The following NCOA6 variants were observed in gnomAD, a reference collection of about 807,000 sequenced individuals.
NCOA6 encodes the protein NRC RAP250.
In NCOA6, 49 loss-of-function variants were observed where a neutral mutation model predicts 171.4. That is an observed-to-expected ratio of 0.29 (90% CI 0.23 to 0.36). The LOEUF (loss-of-function observed/expected upper bound fraction) is 0.36. NCOA6 is among the 10% of genes least tolerant of loss of function. The probability of loss-of-function intolerance (pLI) is 1.00; values close to 1 mark genes in which losing one functional copy is unlikely to be tolerated. For synonymous variants in NCOA6, 910 were observed against 927.5 expected, an observed-to-expected ratio of 0.98 and a Z score of 0.34; for missense variants, 2,248 against 2,554.5, an observed-to-expected ratio of 0.88 and a Z score of 2.59.
chr20:34,801,613 A>G (rs2146469835), intron 1 of NCOA6, among the ~76,000 whole-genome samples: 1 of 152,360 alleles, frequency 6.6e-6, no homozygotes, highest in East Asian at 1.9e-4. Flanking sequence ...TCTTAGACAC[A>G]TACAATCTAC....
chr20:34,725,148 C>T (rs1989811514), intron 14 of NCOA6, among the ~76,000 whole-genome samples: 1 of 152,150 alleles, frequency 6.6e-6, no homozygotes, highest in South Asian at 2.1e-4. Flanking sequence ...ATATTTAATA[C>T]ATATTTGATA....
Position 34,758,847 on chromosome 20 carries a change from G to A in NCOA6, c.601C>T (p.Pro201Ser), listed in dbSNP as rs2076730652. 2.5e-6 allele frequency: 4 copies of A among 1,613,316 alleles called. No homozygotes were observed. In the African/African-American group the frequency reaches 4.0e-5, roughly 16 times the overall value. The change falls in exon 6 of 15, where the codon CCA (proline) becomes TCA (serine). Residue 201 changes from proline (P) to serine (S), a missense_variant. Transcript: ENST00000359003. ...CGAGGAGTCCTGGGCTGCAGCTCTG[G>A]ATTGGGGCCTGGTGCCATCATGGAA... ...SSSMMAPGPN[P>S]ELQPRTPRPA... is the part of the protein sequence containing the mutation.
intron 1 of NCOA6, among the ~76,000 whole-genome samples, chr20:34,815,876 C>G (rs555306491): frequency 2.0e-5 from 3 of 152,292 alleles, no homozygotes; most frequent in South Asian, 2.1e-4. Flanking sequence ...TCCATGATCA[C>G]CTGATCATAT....
At position 34,742,361 on chromosome 20, in the gene NCOA6, T is replaced by C; in HGVS notation, c.3895A>G (p.Thr1299Ala). 1 of 1,614,182 alleles carries C rather than the reference T, an allele frequency of 6.2e-7. No individual in the cohort carries two copies. The highest frequency in any genetic ancestry group is 8.5e-7 in the Non-Finnish European group (1 of 1,180,032). Reference protein sequence around the residue: ...NLTMNPSNFATPQTHKLDSVV... With the variant: ...NLTMNPSNFAAPQTHKLDSVV... ...GAATCTAATTTGTGAGTTTGTGGGG[T>C]AGCAAAATTGGAAGGATTCATGGTA... The change falls in exon 11 of 15, where the codon ACC (threonine) becomes GCC (alanine). Residue 1299 changes from threonine to alanine, a missense_variant. By Grantham distance (58) the Thr-to-Ala change is moderately conservative. Transcript: ENST00000359003.
At chr20:34,804,897 A>G (rs369032149) in intron 1 of NCOA6, among the ~76,000 whole-genome samples, 1 of 152,118 alleles carries the variant, frequency 6.6e-6, no homozygotes, top group Non-Finnish European at 1.5e-5. Context: ...ATTTTTATCT[A>G]TAGTCATCCT....
chr20:34,759,025 ATT>A (rs2076736827), intron 5 of NCOA6, 92 bp from the exon 6 acceptor site: 1 of 1,388,680 alleles, frequency 7.2e-7, no homozygotes, highest in Non-Finnish European at 9.9e-7. Flanking sequence ...GATATGGAAA[ATT>A]TGTTTTTTTT....
intron 1 of NCOA6, among the ~76,000 whole-genome samples, chr20:34,793,466 C>G (rs1341868433): frequency 6.6e-6 from 1 of 151,748 alleles, no homozygotes; most frequent in African/African-American, 2.4e-5. Flanking sequence ...AGATATAAAA[C>G]TTATGCATGG....
In NCOA6 at chr20:34,742,855, T is replaced by C; in HGVS notation, c.3401A>G (p.Glu1134Gly). The change falls in exon 11 of 15, where the codon GAA becomes GGA. Residue 1134 changes from glutamate to glycine, a missense_variant. Transcript: ENST00000359003. ...AGATGGTGCTTCACTGCCACTTGCT[T>C]CAGGGAGTGAGGCCATCTCCGCCAG... ...SPLAEMASLP[E>G]ASGSEAPSVP... 6.2e-7 allele frequency: 1 copy of C among 1,614,192 alleles called. No individual in the cohort carries two copies. The highest frequency in any genetic ancestry group is 1.1e-5 in the South Asian group (1 of 91,084).
chr20:34,789,552 G>A (rs185388386), intron 2 of NCOA6, among the ~76,000 whole-genome samples: 19 of 152,192 alleles, frequency 1.2e-4, no homozygotes, highest in Non-Finnish European at 1.9e-4. Flanking sequence ...GTGGGCAGAC[G>A]GCTTGAGCTC....
chr20:34,805,751 T>C (rs536527026), intron 1 of NCOA6, among the ~76,000 whole-genome samples: 64 of 151,808 alleles, frequency 4.2e-4, no homozygotes, highest in Non-Finnish European at 7.8e-4. Flanking sequence ...TGCAGTGGTA[T>C]GATCTCGGCT....
intron 3 of NCOA6, chr20:34,776,680 T>C (rs2077333130): frequency 4.7e-6 from 3 of 637,960 alleles, no homozygotes; most frequent in Non-Finnish European, 8.5e-6. Context: ...CTTTTTCTTT[T>C]CTAAAACTAT....
intron 1 of NCOA6, among the ~76,000 whole-genome samples, chr20:34,811,203 A>G (rs1212826489): frequency 2.2e-4 from 16 of 73,922 alleles, no homozygotes; most frequent in African/African-American, 4.9e-4. Context: ...AACAACGTGT[A>G]TATATATATA....
At chr20:34,726,361 CAA>C (rs905422683) in intron 14 of NCOA6, among the ~76,000 whole-genome samples, 10 of 151,916 alleles carry the variant, frequency 6.6e-5, no homozygotes, top group African/African-American at 1.5e-4. Flanking sequence ...GGGTCTCTAC[CAA>C]GAGAGAGGGG....
At chr20:34,780,900 C>T (rs956220379) in intron 3 of NCOA6, among the ~76,000 whole-genome samples, 1 of 152,026 alleles carries the variant, frequency 6.6e-6, no homozygotes, top group Non-Finnish European at 1.5e-5. Flanking sequence ...GTGATCCACC[C>T]AACTCAATCT....
At chr20:34,764,431 C>T (rs907945020) in intron 5 of NCOA6, among the ~76,000 whole-genome samples, 1 of 152,076 alleles carries the variant, frequency 6.6e-6, no homozygotes, top group African/African-American at 2.4e-5. Flanking sequence ...CGGTGGCTCA[C>T]GCCTGTAATT....
At chr20:34,812,185 A>C (rs1321121781) in intron 1 of NCOA6, among the ~76,000 whole-genome samples, 1 of 151,728 alleles carries the variant, frequency 6.6e-6, no homozygotes, top group African/African-American at 2.4e-5. Flanking sequence ...CCAGGGAGGA[A>C]GAGGTTGCAG....
rs188946016 is a variant in NCOA6 at position 34,738,682 on chromosome 20, C to T, written c.5893+1681G>A. Among the ~76,000 whole-genome samples the T allele has an allele frequency of 7.6e-3, 1,160 of 152,360 alleles. 15 individuals are homozygous for T. Among genetic ancestry groups the T allele is most frequent in the Non-Finnish European group, 0.011 (761 of 68,034 alleles). On this transcript the variant is annotated intron_variant, in intron 11 of 14. Coordinates refer to ENST00000359003, the MANE Select transcript of NCOA6 (RefSeq NM_014071.5). ...AACCTTTCCAGAGCTCTGCGTGAGG[C>T]AGTGTGTTGGCCACTTGACAAATCT...
intron 2 of NCOA6, among the ~76,000 whole-genome samples, chr20:34,791,029 G>C (rs1166051938): frequency 6.6e-6 from 1 of 152,048 alleles, no homozygotes; most frequent in East Asian, 1.9e-4. Context: ...GGGAGGTATA[G>C]GGGATGGGGA....
intron 1 of NCOA6, among the ~76,000 whole-genome samples, chr20:34,799,482 G>C (rs1438565341): frequency 6.6e-6 from 1 of 152,096 alleles, no homozygotes; most frequent in Non-Finnish European, 1.5e-5. Context: ...TCAAGTATAA[G>C]AAAGTTATAG....
Sources: gnomAD v4.1 joint callset for allele counts (sites outside exome capture counted in the v4.1 genomes callset) on GRCh38, gnomAD v4.1.1 for gene constraint, MANE v1.5 for transcripts, NCBI Gene and HGNC (gene_info 2026-07-23, HGNC 2026-07-21) for gene names.